The following PRMT7 variants were observed in gnomAD, a reference collection of about 807,000 sequenced individuals.
PRMT7 encodes protein arginine N-methyltransferase 7.
Under a neutral mutation model 85.4 loss-of-function variants are expected in PRMT7, and 75 were observed. That is an observed-to-expected ratio of 0.88 (90% confidence interval 0.73 to 1.06). The LOEUF (loss-of-function observed/expected upper bound fraction) is 1.06. Among genes scored for constraint, PRMT7 ranks in the 50% least tolerant of loss-of-function variants. The pLI is 0.00. For missense variants in PRMT7, 868 were observed against 915.2 expected, an observed-to-expected ratio of 0.95 and a Z score of 0.67; for synonymous variants, 397 against 359.5, an observed-to-expected ratio of 1.10 and a Z score of -1.18.
chr16:68,330,641 C>T (rs1392577463), intron 6 of PRMT7, among the ~76,000 whole-genome samples: 1 of 152,150 alleles, frequency 6.6e-6, no homozygotes, highest in Non-Finnish European at 1.5e-5. Flanking sequence ...GTTGCCCAGG[C>T]TGGAGTGCAA....
chr16:68,344,220 C>T (rs942685196), intron 9 of PRMT7, among the ~76,000 whole-genome samples: 16 of 152,210 alleles, frequency 1.1e-4, no homozygotes, highest in South Asian at 8.3e-4. Flanking sequence ...TTGCCAGCCT[C>T]GGCCTCCCAA....
At chr16:68,339,643 G>T in intron 8 of PRMT7, 80 bp downstream of exon 8, 1 of 1,595,304 alleles carries the variant, frequency 6.3e-7, no homozygotes, top group Non-Finnish European at 8.6e-7. Context: ...TTTTGAGTGG[G>T]AAGGAAATCT....
At chr16:68,330,532 C>T (rs1483719713) in intron 6 of PRMT7, among the ~76,000 whole-genome samples, 2 of 152,004 alleles carry the variant, frequency 1.3e-5, no homozygotes, top group Non-Finnish European at 2.9e-5. Context: ...ACATTATTCT[C>T]CCATTTAACA....
intron 9 of PRMT7, among the ~76,000 whole-genome samples, chr16:68,343,640 G>T (rs1470282452): frequency 6.6e-6 from 1 of 152,150 alleles, no homozygotes; most frequent in Non-Finnish European, 1.5e-5. Context: ...GCCTAGGAGG[G>T]GTCGGGAAAG....
At chr16:68,344,825 T>A (rs1334939076) in intron 9 of PRMT7, among the ~76,000 whole-genome samples, 1 of 151,922 alleles carries the variant, frequency 6.6e-6, no homozygotes, top group East Asian at 1.9e-4. Context: ...ATCCACAGAA[T>A]AAGTGAAAAT....
Position 68,356,759 on chromosome 16 carries a change from A to C in PRMT7, c.1870A>C (p.Thr624Pro), listed in dbSNP as rs765684694. The change falls in exon 18 of 19, where the codon ACG (threonine) becomes CCG (proline). Residue 624 changes from threonine to proline, a missense_variant. Coordinates refer to ENST00000441236, the MANE Select transcript of PRMT7 (RefSeq NM_019023.5). The stretch of plus-strand genomic sequence containing the variant: ...GGAGTACCACCTGACCCCGGAGTGC[A>C]CGCTCAGCACTGGCCTCCTGGAGCC... ...WMEYHLTPEC[T>P]LSTGLLEPAD... The C allele has an allele frequency of 6.2e-7, 1 of 1,611,090 alleles. No homozygotes were observed. The highest frequency in any genetic ancestry group is 2.2e-5 in the East Asian group (1 of 44,858).
intron 6 of PRMT7, among the ~76,000 whole-genome samples, chr16:68,332,105 A>G (rs2083990405): frequency 6.6e-6 from 1 of 152,170 alleles, no homozygotes; most frequent in Admixed American, 6.5e-5. Flanking sequence ...TGCAGTTCAG[A>G]TTGATCCTTT....
chr16:68,322,260 G>A (rs1417248149), intron 4 of PRMT7: 5 of 282,378 alleles, frequency 1.8e-5, no homozygotes, highest in Non-Finnish European at 3.6e-5. Context: ...GTGCAGTGGT[G>A]TGATCTCGGC....
chr16:68,333,862 TC>T (rs1414298191), intron 6 of PRMT7, among the ~76,000 whole-genome samples: 5 of 152,138 alleles, frequency 3.3e-5, no homozygotes, highest in Non-Finnish European at 5.9e-5. Context: ...AACCTCCACC[TC>T]CCGGATTCAA....
At chr16:68,358,743 C>G (rs1187591205), downstream of PRMT7, 2 of 152,516 alleles carry the variant, frequency 1.3e-5, no homozygotes, top group Non-Finnish European at 2.9e-5. Flanking sequence ...AGGGCAGGAA[C>G]AGAGTCTTGG....
downstream of PRMT7, chr16:68,359,948 A>G (rs139158140): frequency 1.9e-3 from 296 of 152,574 alleles, 4 homozygotes; most frequent in Non-Finnish European, 2.9e-3. Flanking sequence ...TGCCAGTACC[A>G]CACCCTGCCC....
chr16:68,352,139 TGAGG>T, intron 14 of PRMT7, 105 bp from the exon 15 acceptor site: 1 of 1,147,254 alleles, frequency 8.7e-7, no homozygotes. Flanking sequence ...AGGGAGGGAG[TGAGG>T]GAGTGACTTG....
intron 9 of PRMT7, among the ~76,000 whole-genome samples, chr16:68,344,811 A>G (rs962175767): frequency 4.6e-5 from 7 of 152,106 alleles, no homozygotes; most frequent in Non-Finnish European, 8.8e-5. Context: ...TTGAAAAATT[A>G]TATATCCACA....
intron 5 of PRMT7, 66 bp from the exon 6 acceptor site, chr16:68,329,000 C>A: frequency 8.7e-7 from 1 of 1,143,208 alleles, no homozygotes; most frequent in Non-Finnish European, 1.3e-6. Flanking sequence ...GCTTGCTCAC[C>A]TTAAAGGTCA....
rs1414251837 is a variant in PRMT7, at chr16:68,357,505, AG to A, written c.*282del. ...AGGTGCTGAGAATGCTCCAACACAG[AG>A]ACATCTCTCCCCAGCTGGGAAGGGA... On this transcript the variant is annotated 3_prime_UTR_variant, in exon 19 of 19. Transcript: ENST00000441236. The A allele has an allele frequency of 8.1e-6, 3 of 372,312 alleles. No homozygotes were observed. Among genetic ancestry groups the A allele is most frequent in the Non-Finnish European group, 1.4e-5 (3 of 207,128 alleles). The allele number at this position is 372,312 out of a possible 1,614,324, so 23.1% of individuals were successfully genotyped here. A position where few individuals can be genotyped will look rare whatever the true frequency, so the allele number is the denominator to read the frequency against.
chr16:68,320,195 C>G (rs1194025886), intron 3 of PRMT7, among the ~76,000 whole-genome samples: 1 of 152,174 alleles, frequency 6.6e-6, no homozygotes, highest in African/African-American at 2.4e-5. Flanking sequence ...TAGTGTATAG[C>G]AAGATCAAGA....
At chr16:68,328,291 G>T (rs919533390) in intron 5 of PRMT7, 1 of 157,758 alleles carries the variant, frequency 6.3e-6, no homozygotes, top group African/African-American at 2.4e-5. Context: ...CCTGCCCTTC[G>T]TCAAATTCCC....
chr16:68,342,382 A>G (rs932952097), intron 9 of PRMT7, among the ~76,000 whole-genome samples: 4 of 152,160 alleles, frequency 2.6e-5, no homozygotes, highest in African/African-American at 9.7e-5. Flanking sequence ...TTAAAGCAAA[A>G]TGGGGGTTGG....
intron 5 of PRMT7, chr16:68,328,140 G>T: frequency 3.1e-6 from 1 of 318,926 alleles, no homozygotes; most frequent in Non-Finnish European, 6.8e-6. Flanking sequence ...CACTGTGAAT[G>T]CTAATCCTCC....
Sources: allele counts gnomAD v4.1 joint callset (sites outside exome capture counted in the v4.1 genomes callset), GRCh38; gene constraint gnomAD v4.1.1; transcripts MANE v1.5; gene names NCBI Gene and HGNC (gene_info 2026-07-23, HGNC 2026-07-21).